OGFRL1: variants seen among roughly 807,000 people sequenced by gnomAD.
OGFRL1 encodes the protein opioid growth factor receptor-like protein 1.
OGFRL1 carries 26 observed loss-of-function variants against 32.4 expected under a neutral mutation model. The observed-to-expected ratio is 0.80, with a 90% CI of 0.59 to 1.11. OGFRL1 has a LOEUF of 1.11. Among genes scored for constraint, OGFRL1 ranks in the 50% most tolerant of loss-of-function variants. The pLI is 0.00. For synonymous variants in OGFRL1, 211 were observed against 201.2 expected, an observed-to-expected ratio of 1.05 and a Z score of -0.41; for missense variants, 521 against 546.4, an observed-to-expected ratio of 0.95 and a Z score of 0.46.
chr6:71,297,912 C>G (rs1766262811), intron 6 of OGFRL1, among the ~76,000 whole-genome samples: 1 of 151,350 alleles, frequency 6.6e-6, no homozygotes, highest in Non-Finnish European at 1.5e-5. Context: ...ATTTACTCGT[C>G]ATTTAGCATT....
intron 1 of OGFRL1, chr6:71,289,548 T>TAA (rs1158690810): frequency 0.02 from 10,683 of 530,960 alleles, 97 homozygotes; most frequent in Admixed American, 0.034. Context: ...GTGTTATTGG[T>TAA]AAAAAAAAAA....
intron 1 of OGFRL1, chr6:71,291,551 A>G (rs1226830002): frequency 6.6e-6 from 1 of 152,246 alleles, no homozygotes; most frequent in African/African-American, 2.4e-5. Context: ...ATGATCCAGG[A>G]AAGAGGAACA....
rs1766551968 is a variant in OGFRL1 at position 71,306,394 on chromosome 6, C to G, written c.*4345C>G. 6.6e-6 allele frequency: 1 copy of G among 152,092 alleles called. No individual in the cohort carries two copies. The highest frequency in any genetic ancestry group is 6.6e-5 in the Admixed American group (1 of 15,252). 9.4% of individuals were successfully genotyped at this position (152,092 alleles called of 1,614,324 possible). On this transcript the variant is annotated 3_prime_UTR_variant, in exon 7 of 7. Transcript: ENST00000370435. ...TCCAACACACCCAGCAGATTGTGTT[C>G]AGGGACAGAATGTGTTTTTAGAAAT...
At position 71,303,479 on chromosome 6, in the gene OGFRL1, C is replaced by T. The variant is rs985216834; in HGVS notation, c.*1430C>T. ...AAAAGTTCAAGACAAGAATTTTGCT[C>T]TCTATGGCTGTTCCATATAAATTTG... is the stretch of plus-strand genomic sequence containing the variant. On this transcript the variant is annotated 3_prime_UTR_variant, in exon 7 of 7. Coordinates refer to ENST00000370435, the MANE Select transcript of OGFRL1 (RefSeq NM_024576.5). 2.0e-5 allele frequency: 3 copies of T among 152,178 alleles called. No individual in the cohort carries two copies. The highest frequency in any genetic ancestry group is 6.5e-5 in the Admixed American group (1 of 15,282). 9.4% of individuals were successfully genotyped at this position (152,178 alleles called of 1,614,324 possible).
chr6:71,290,282 G>C (rs1214734054), intron 1 of OGFRL1, among the ~76,000 whole-genome samples: 2 of 152,168 alleles, frequency 1.3e-5, no homozygotes, highest in Non-Finnish European at 1.5e-5. Flanking sequence ...ATCTATCACT[G>C]ATATCAGCGC....
At chr6:71,301,262 A>G in intron 6 of OGFRL1, 124 bp from the exon 7 acceptor site, 1 of 797,044 alleles carries the variant, frequency 1.3e-6, no homozygotes, top group Non-Finnish European at 2.0e-6. Context: ...GGCATTAGGA[A>G]GTCATTACAC....
At chr6:71,292,539 A>G (rs1460959710) in intron 1 of OGFRL1, among the ~76,000 whole-genome samples, 8 of 152,226 alleles carry the variant, frequency 5.3e-5, no homozygotes, top group Non-Finnish European at 8.8e-5. Context: ...TTTAACCCAC[A>G]TCTTATACTT....
At position 71,293,389 on chromosome 6, in the gene OGFRL1, T is replaced by C. The variant is rs1456477491; in HGVS notation, c.321+10T>C. 14 of 1,610,200 alleles carry C rather than the reference T, an allele frequency of 8.7e-6. No individual in the cohort carries two copies. Among genetic ancestry groups the C allele is most frequent in the Non-Finnish European group, 1.1e-5 (13 of 1,177,936 alleles). On this transcript the variant is annotated intron_variant, in intron 2 of 6. Coordinates refer to ENST00000370435, the MANE Select transcript of OGFRL1 (RefSeq NM_024576.5). ...CCGACACCAGTACCCAGTAAGAGTA[T>C]AGAATGCTATGTTTTAAACTGTAAA...
Position 71,307,217 on chromosome 6 carries a change from G to C in OGFRL1, c.*5168G>C, listed in dbSNP as rs1766579426. On this transcript the variant is annotated 3_prime_UTR_variant, in exon 7 of 7. Coordinates refer to ENST00000370435, the MANE Select transcript of OGFRL1 (RefSeq NM_024576.5). Reference sequence around the variant, plus strand: ...GAATCAGTGTGGGCATCTCAGGAAAGTGGCGCCAGTGCTGGGCTCCAGCCT... The same window carrying C: ...GAATCAGTGTGGGCATCTCAGGAAACTGGCGCCAGTGCTGGGCTCCAGCCT... 6.6e-6 allele frequency: 1 copy of C among 152,206 alleles called. No individual in the cohort carries two copies. Among genetic ancestry groups the C allele is most frequent in the African/African-American group, 2.4e-5 (1 of 41,438 alleles). The allele number at this position is 152,206 out of a possible 1,614,324, so 9.4% of individuals were successfully genotyped here.
intron 5 of OGFRL1, 40 bp from the exon 6 acceptor site, chr6:71,296,632 C>T (rs747093259): frequency 6.2e-7 from 1 of 1,608,130 alleles, no homozygotes; most frequent in African/African-American, 1.3e-5. Context: ...CTTGTAGCTA[C>T]TGAATCATTT....
At chr6:71,291,337 A>T (rs2149351466) in intron 1 of OGFRL1, 1 of 152,358 alleles carries the variant, frequency 6.6e-6, no homozygotes, top group Non-Finnish European at 1.5e-5. Context: ...AGCCTGATTG[A>T]GGTGGGTCAG....
Position 71,296,393 on chromosome 6 carries a change from A to G in OGFRL1, c.477A>G (p.Gln159=). ...TGGAGCACAACCACACTTACATTCA[A>G]TGGTCAGTTACATATTATCTATCTT... ...EKLEHNHTYI[Q]WLFPLREQGL... is the part of the protein sequence containing the mutation. The change falls in exon 4 of 7, where the codon CAA becomes CAG. Residue 159 remains glutamine, a splice_region_variant and synonymous_variant. Coordinates refer to ENST00000370435, the MANE Select transcript of OGFRL1 (RefSeq NM_024576.5). The G allele has an allele frequency of 1.2e-6, 2 of 1,610,570 alleles. No individual in the cohort carries two copies. The highest frequency in any genetic ancestry group is 1.7e-6 in the Non-Finnish European group (2 of 1,177,306).
intron 1 of OGFRL1, among the ~76,000 whole-genome samples, chr6:71,291,160 G>C (rs1366095867): frequency 6.6e-6 from 1 of 152,204 alleles, no homozygotes; most frequent in Admixed American, 6.5e-5. Flanking sequence ...GAAAGTTATA[G>C]TAGCCTGTAA....
intron 1 of OGFRL1, chr6:71,289,660 A>G: frequency 1.0e-6 from 1 of 983,646 alleles, no homozygotes; most frequent in Non-Finnish European, 1.2e-6. Context: ...TCAGAAGTGT[A>G]GGCCCTCATC....
chr6:71,296,844 G>C (rs777906376), intron 6 of OGFRL1, 27 bp downstream of exon 6: 6 of 1,605,028 alleles, frequency 3.7e-6, no homozygotes, highest in Non-Finnish European at 5.1e-6. Flanking sequence ...TGATAAATCA[G>C]GGGCCAGCAC....
rs1336973300 is a variant in OGFRL1 at position 71,301,909 on chromosome 6, C to T, written c.1216C>T (p.Gln406Ter). The change falls in exon 7 of 7, where the codon CAA becomes TAA. Residue 406 changes from glutamine to a stop codon, truncating the protein, a stop_gained. Transcript: ENST00000370435. LOFTEE classifies it low-confidence loss of function (END_TRUNC). ...CAGTAATGCTGAGAACATGAATTCT[C>T]AACCTGAGAAAACAGTTACTACTCC... ...KDSNAENMNS[Q>*]PEKTVTTPTE... The T allele has an allele frequency of 6.2e-7, 1 of 1,613,886 alleles. No individual in the cohort carries two copies. The highest frequency in any genetic ancestry group is 1.1e-5 in the South Asian group (1 of 91,020).
chr6:71,289,362 C>T, intron 1 of OGFRL1, 192 bp downstream of exon 1: 1 of 984,526 alleles, frequency 1.0e-6, no homozygotes, highest in Non-Finnish European at 1.2e-6. Context: ...CCCAAAGCGC[C>T]GGACCCTCCC....
chr6:71,305,431 A>G lies in OGFRL1; in HGVS notation c.*3382A>G, dbSNP rs1340571048. 4 of 152,126 alleles carry G rather than the reference A, an allele frequency of 2.6e-5. No individual in the cohort carries two copies. Among genetic ancestry groups the G allele is most frequent in the African/African-American group, 9.6e-5 (4 of 41,458 alleles). The allele number at this position is 152,126 out of a possible 1,614,324, so 9.4% of individuals were successfully genotyped here. A position where few individuals can be genotyped will look rare whatever the true frequency, so the allele number is the denominator to read the frequency against. On this transcript the variant is annotated 3_prime_UTR_variant, in exon 7 of 7. Transcript: ENST00000370435. ...ATCTCATAAGAAATTCAAAAGAATA[A>G]TGATAGAGGTGAAAATATGTTTACT...
intron 1 of OGFRL1, chr6:71,289,943 AT>A (rs1251027115): frequency 5.9e-5 from 22 of 374,360 alleles, no homozygotes; most frequent in Non-Finnish European, 8.1e-5. Flanking sequence ...GCCGCTCCAC[AT>A]TAGGCCCTTC....
Sources: allele counts gnomAD v4.1 joint callset (sites outside exome capture counted in the v4.1 genomes callset), GRCh38; gene constraint gnomAD v4.1.1; transcripts MANE v1.5; gene names NCBI Gene and HGNC (gene_info 2026-07-23, HGNC 2026-07-21).